CHCHD3: variants seen among roughly 807,000 people sequenced by gnomAD.
CHCHD3 encodes MICOS complex subunit MIC19.
A neutral mutation model predicts 38.2 loss-of-function variants in CHCHD3; 20 were observed. The observed-to-expected ratio is 0.52, with a 90% CI of 0.37 to 0.76. The LOEUF is 0.76. Among genes scored for constraint, CHCHD3 ranks in the 30% least tolerant of loss-of-function variants. The pLI, the probability that CHCHD3 is intolerant of heterozygous loss-of-function variation, is 0.00. For synonymous variants in CHCHD3, 82 were observed against 100.0 expected (o/e 0.82, Z 1.07); for missense variants, 245 against 279.2 (o/e 0.88, Z 0.87).
At chr7:132,814,674 C>G (rs567663238) in intron 6 of CHCHD3, among the ~76,000 whole-genome samples, 56 of 152,216 alleles carry the variant, frequency 3.7e-4, no homozygotes, top group Non-Finnish European at 6.2e-4. Context: ...CATAAAATCA[C>G]AGTATGTGTG....
chr7:133,055,265 ATAAT>A (rs1023354372), intron 2 of CHCHD3, among the ~76,000 whole-genome samples: 7 of 147,022 alleles, frequency 4.8e-5, no homozygotes, highest in East Asian at 1.9e-4. Flanking sequence ...CTTATATATT[ATAAT>A]TAATTATAAT....
At chr7:132,974,830 C>T (rs530689415) in intron 4 of CHCHD3, among the ~76,000 whole-genome samples, 1 of 151,296 alleles carries the variant, frequency 6.6e-6, no homozygotes, top group African/African-American at 2.4e-5. Flanking sequence ...GCTGAGATCG[C>T]ACCACTGCAC....
At chr7:132,831,566 A>C (rs1170379765) in intron 6 of CHCHD3, among the ~76,000 whole-genome samples, 1 of 152,200 alleles carries the variant, frequency 6.6e-6, no homozygotes, top group Non-Finnish European at 1.5e-5. Context: ...GACAAATTGC[A>C]AGAACTCAAC....
intron 4 of CHCHD3, among the ~76,000 whole-genome samples, chr7:132,942,723 A>G (rs1466497113): frequency 2.0e-5 from 3 of 152,240 alleles, no homozygotes; most frequent in Non-Finnish European, 4.4e-5. Context: ...TCTATAAAAC[A>G]TGAATGGAGA....
chr7:133,051,341 C>G (rs1328856834), intron 2 of CHCHD3, among the ~76,000 whole-genome samples: 5 of 152,176 alleles, frequency 3.3e-5, no homozygotes, highest in Non-Finnish European at 5.9e-5. Context: ...GATAGCATGA[C>G]ACACACACCC....
chr7:133,013,946 C>T (rs1259726679), intron 3 of CHCHD3, among the ~76,000 whole-genome samples: 1 of 152,008 alleles, frequency 6.6e-6, no homozygotes, highest in Non-Finnish European at 1.5e-5. Context: ...CTATGTCAAA[C>T]CTACCTGGTT....
chr7:132,959,283 A>G (rs1036406104), intron 4 of CHCHD3, among the ~76,000 whole-genome samples: 5 of 152,246 alleles, frequency 3.3e-5, no homozygotes, highest in Admixed American at 2.0e-4. Flanking sequence ...ACAGCCCCAC[A>G]GCCATATATC....
At chr7:132,978,315 AT>A (rs2117338979) in intron 3 of CHCHD3, among the ~76,000 whole-genome samples, 1 of 152,238 alleles carries the variant, frequency 6.6e-6, no homozygotes, top group East Asian at 1.9e-4. Context: ...ATTCTGCTTT[AT>A]TTTTATGATC....
intron 4 of CHCHD3, among the ~76,000 whole-genome samples, chr7:132,954,295 T>G (rs1030545406): frequency 3.3e-5 from 5 of 152,158 alleles, no homozygotes; most frequent in African/African-American, 1.2e-4. Flanking sequence ...ACAAAACCCA[T>G]GGGCTGCTAT....
chr7:133,036,086 T>C lies in CHCHD3; in HGVS notation c.170-11459A>G, dbSNP rs138778811. The C allele has an allele frequency of 4.7e-5, 32 of 674,384 alleles. No individual in the cohort carries two copies. In the East Asian group the frequency reaches 6.0e-4, roughly 13 times the overall value. The allele number at this position is 674,384 out of a possible 1,614,324, so 41.8% of individuals were successfully genotyped here. A position where few individuals can be genotyped will look rare whatever the true frequency, so the allele number is the denominator to read the frequency against. On this transcript the variant is annotated intron_variant, in intron 2 of 7. Coordinates refer to ENST00000262570, the MANE Select transcript of CHCHD3 (RefSeq NM_017812.4). ...TTTCATAAAATAATTCGCTAGGCAATTGAGATTTCCTTTAGGGGAATTTTC... is the reference window on the plus strand; with the variant it reads ...TTTCATAAAATAATTCGCTAGGCAACTGAGATTTCCTTTAGGGGAATTTTC...
intron 4 of CHCHD3, among the ~76,000 whole-genome samples, chr7:132,929,528 ACT>A (rs1349683639): frequency 6.6e-6 from 1 of 152,018 alleles, no homozygotes; most frequent in Non-Finnish European, 1.5e-5. Context: ...GATTCCCATA[ACT>A]CTCTCTATTC....
chr7:132,894,049 A>C (rs1809434906), intron 4 of CHCHD3, among the ~76,000 whole-genome samples: 1 of 152,222 alleles, frequency 6.6e-6, no homozygotes, highest in Non-Finnish European at 1.5e-5. Flanking sequence ...CATTGAATAA[A>C]GACAGGAGGT....
chr7:133,075,150 CTTT>C (rs938295665), intron 1 of CHCHD3, among the ~76,000 whole-genome samples: 2 of 152,070 alleles, frequency 1.3e-5, no homozygotes, highest in African/African-American at 4.8e-5. Flanking sequence ...TTCTTGTTAA[CTTT>C]TTTTTCTTTT....
intron 4 of CHCHD3, among the ~76,000 whole-genome samples, chr7:132,933,845 T>C (rs1810572999): frequency 6.6e-6 from 1 of 152,186 alleles, no homozygotes; most frequent in African/African-American, 2.4e-5. Flanking sequence ...GGGACACACA[T>C]ACAGGACCAG....
intron 3 of CHCHD3, among the ~76,000 whole-genome samples, chr7:132,986,222 C>T (rs1253573946): frequency 6.8e-6 from 1 of 147,958 alleles, no homozygotes; most frequent in African/African-American, 2.5e-5. Flanking sequence ...CGTTAAGAGT[C>T]ATCACCACTC....
At chr7:132,943,026 T>A (rs1416322017) in intron 4 of CHCHD3, among the ~76,000 whole-genome samples, 1 of 152,052 alleles carries the variant, frequency 6.6e-6, no homozygotes, top group African/African-American at 2.4e-5. Context: ...GGATAAAAAA[T>A]AAGCATGAAA....
At chr7:132,796,015 C>A (rs1054091817) in intron 7 of CHCHD3, among the ~76,000 whole-genome samples, 1 of 150,572 alleles carries the variant, frequency 6.6e-6, no homozygotes, top group East Asian at 1.9e-4. Context: ...AGTGACTGAA[C>A]GGTGGTGTTT....
intron 2 of CHCHD3, among the ~76,000 whole-genome samples, chr7:133,038,215 CTA>C (rs1268411487): frequency 1.3e-5 from 2 of 152,094 alleles, no homozygotes; most frequent in African/African-American, 4.8e-5. Context: ...CATTATAAGA[CTA>C]TGTGTTCTTA....
chr7:132,844,092 G>A (rs890832464), intron 5 of CHCHD3, among the ~76,000 whole-genome samples: 2 of 152,228 alleles, frequency 1.3e-5, no homozygotes, highest in African/African-American at 4.8e-5. Flanking sequence ...TTGAGGCCAG[G>A]AATTCAAGAC....
Sources: allele counts gnomAD v4.1 joint callset (sites outside exome capture counted in the v4.1 genomes callset), GRCh38; gene constraint gnomAD v4.1.1; transcripts MANE v1.5; gene names NCBI Gene and HGNC (gene_info 2026-07-23, HGNC 2026-07-21).